TAS2R1: variants seen among roughly 807,000 people sequenced by gnomAD.
TAS2R1 encodes taste 2 receptor member 1, also known as taste receptor type 2 member 1.
For missense variants in TAS2R1, 370 were observed against 353.4 expected, an observed-to-expected ratio of 1.05 and a Z score of -0.38; for synonymous variants, 141 against 134.2, an observed-to-expected ratio of 1.05 and a Z score of -0.35.
At chr5:9,871,698 G>A in the TAS2R1 span, among the ~76,000 whole-genome samples, 1 of 152,312 alleles carries the variant, frequency 6.6e-6, no homozygotes, top group East Asian at 1.9e-4. Flanking sequence ...CCAAAATGGT[G>A]CCCAGACAAG....
intron 1 of TAS2R1, among the ~76,000 whole-genome samples, chr5:9,679,834 A>G (rs1740960320): frequency 6.6e-6 from 1 of 152,232 alleles, no homozygotes; most frequent in Non-Finnish European, 1.5e-5. Flanking sequence ...ATATGTCCCT[A>G]TATTCCCTTG....
chr5:9,660,321 C>T (rs1462906397), intron 1 of TAS2R1, among the ~76,000 whole-genome samples: 1 of 150,940 alleles, frequency 6.6e-6, no homozygotes, highest in African/African-American at 2.4e-5. Context: ...CATGATCCAC[C>T]CGCCTCGGCC....
At chr5:9,821,529 G>A in the TAS2R1 span, among the ~76,000 whole-genome samples, 1 of 152,222 alleles carries the variant, frequency 6.6e-6, no homozygotes, top group Non-Finnish European at 1.5e-5. Context: ...CCTGCAGAAT[G>A]TACACAAGGC....
At chr5:9,770,198 T>C in the TAS2R1 span, among the ~76,000 whole-genome samples, 1 of 152,196 alleles carries the variant, frequency 6.6e-6, no homozygotes, top group Non-Finnish European at 1.5e-5. Context: ...CTTGGCACCT[T>C]TGTCCAAAAC....
the TAS2R1 span, among the ~76,000 whole-genome samples, chr5:9,864,291 G>A: frequency 1.3e-5 from 2 of 152,168 alleles, no homozygotes; most frequent in African/African-American, 4.8e-5. Context: ...CACCCGATAG[G>A]AAGAGGTAAC....
chr5:9,735,049 T>C, the TAS2R1 span, among the ~76,000 whole-genome samples: 1 of 151,264 alleles, frequency 6.6e-6, no homozygotes, highest in Non-Finnish European at 1.5e-5. Flanking sequence ...GTCGTGGCAG[T>C]AGGCAAAGGG....
chr5:9,862,324 CA>C, the TAS2R1 span, among the ~76,000 whole-genome samples: 5 of 152,152 alleles, frequency 3.3e-5, no homozygotes, highest in African/African-American at 1.2e-4. Context: ...TATTAAAAAT[CA>C]AAGTCAGACG....
At chr5:9,763,850 G>C in the TAS2R1 span, among the ~76,000 whole-genome samples, 2,418 of 152,310 alleles carry the variant, frequency 0.016, 57 homozygotes, top group African/African-American at 0.053. Context: ...CAAATGAATT[G>C]CTGTGTGCTC....
At chr5:9,876,158 T>C in the TAS2R1 span, among the ~76,000 whole-genome samples, 1 of 150,634 alleles carries the variant, frequency 6.6e-6, no homozygotes, top group Non-Finnish European at 1.5e-5. Flanking sequence ...GATGAGGGCC[T>C]GGAACTCACG....
chr5:9,648,816 G>A (rs1316098317), intron 2 of TAS2R1, among the ~76,000 whole-genome samples: 1 of 152,066 alleles, frequency 6.6e-6, no homozygotes, highest in Non-Finnish European at 1.5e-5. Flanking sequence ...GCCACAGCAA[G>A]GCCACAGGCT....
At chr5:9,715,760 C>T (rs1734797928), upstream of TAS2R1, among the ~76,000 whole-genome samples, 1 of 152,186 alleles carries the variant, frequency 6.6e-6, no homozygotes, top group Non-Finnish European at 1.5e-5. Context: ...TTGTTAATAC[C>T]TGACAGTGAA....
At chr5:9,769,179 C>T in the TAS2R1 span, among the ~76,000 whole-genome samples, 1 of 152,150 alleles carries the variant, frequency 6.6e-6, no homozygotes, top group Non-Finnish European at 1.5e-5. Context: ...ATTTGTCTTT[C>T]TGTGCCTGGT....
chr5:9,877,614 G>A, the TAS2R1 span, among the ~76,000 whole-genome samples: 2 of 152,196 alleles, frequency 1.3e-5, no homozygotes, highest in African/African-American at 2.4e-5. Flanking sequence ...ATGCTGCTCT[G>A]GGCTTCCTGG....
At chr5:9,635,431 G>A (rs1355908998) in intron 2 of TAS2R1, among the ~76,000 whole-genome samples, 7 of 151,978 alleles carry the variant, frequency 4.6e-5, no homozygotes, top group Admixed American at 4.6e-4. Context: ...TCCTTTCCTG[G>A]TTTTGACATT....
chr5:9,861,239 C>T, the TAS2R1 span, among the ~76,000 whole-genome samples: 22 of 152,086 alleles, frequency 1.4e-4, no homozygotes, highest in African/African-American at 4.3e-4. Flanking sequence ...ATTCACTCTG[C>T]AGCTGGCCGT....
the TAS2R1 span, among the ~76,000 whole-genome samples, chr5:9,833,292 T>C: frequency 6.6e-6 from 1 of 152,346 alleles, no homozygotes; most frequent in African/African-American, 2.4e-5. Context: ...AGCTATCTTA[T>C]TTAGGAATAC....
chr5:9,738,507 C>T, the TAS2R1 span, among the ~76,000 whole-genome samples: 1 of 152,196 alleles, frequency 6.6e-6, no homozygotes, highest in African/African-American at 2.4e-5. Context: ...ATTCCAATAA[C>T]ACCACCTTTG....
chr5:9,658,857 A>G (rs1561371427), intron 2 of TAS2R1: 1 of 152,254 alleles, frequency 6.6e-6, no homozygotes, highest in Non-Finnish European at 1.5e-5. Flanking sequence ...TAAAACCACC[A>G]TAACAGCACA....
chr5:9,700,201 TA>T (rs1189370670), intron 1 of TAS2R1, among the ~76,000 whole-genome samples: 2 of 152,188 alleles, frequency 1.3e-5, no homozygotes, highest in Non-Finnish European at 2.9e-5. Flanking sequence ...GTTGATTTTT[TA>T]AAAATGACCC....
Sources: gnomAD v4.1 joint callset for allele counts (sites outside exome capture counted in the v4.1 genomes callset) on GRCh38, gnomAD v4.1.1 for gene constraint, MANE v1.5 for transcripts, NCBI Gene and HGNC (gene_info 2026-07-23, HGNC 2026-07-21) for gene names.